Variants in KIRREL3 observed in about 807,000 individuals in gnomAD.
KIRREL3 encodes the protein kirre like nephrin family adhesion molecule 3, also known as kin of IRRE-like protein 3.
In KIRREL3, 36 loss-of-function variants were observed where a neutral mutation model predicts 89.7. The ratio of observed to expected loss-of-function variants is 0.40; its 90% confidence interval spans 0.31 to 0.53. The LOEUF (loss-of-function observed/expected upper bound fraction) is 0.53. KIRREL3 is among the 20% of genes least tolerant of loss of function. The probability of loss-of-function intolerance (pLI) is 0.49; values close to 1 mark genes in which losing one functional copy is unlikely to be tolerated. For synonymous variants in KIRREL3, 445 were observed against 441.4 expected (o/e 1.01, Z -0.10); for missense variants, 864 against 1,056.6 (o/e 0.82, Z 2.53).
chr11:126,854,126 T>TTG (rs375873911), intron 1 of KIRREL3, among the ~76,000 whole-genome samples: 3,254 of 143,958 alleles, frequency 0.023, 82 homozygotes, highest in African/African-American at 0.058. Context: ...AATAAGTTTC[T>TTG]TGTGTGTGTG....
intron 1 of KIRREL3, among the ~76,000 whole-genome samples, chr11:126,804,698 C>T (rs1032794149): frequency 6.1e-4 from 93 of 152,282 alleles, no homozygotes; most frequent in African/African-American, 2.2e-3. Context: ...TTTGTCACTT[C>T]TTTTTGTTTA....
rs1427613341 is a variant in KIRREL3 at position 126,552,560 on chromosome 11, T to A, written c.133+10275A>T. ...AGGGGAGAGAGAAAAGTTTTTTTTT[T>A]TTTTTTTTTTTTTTTTTTTTTGAGA... On this transcript the variant is annotated intron_variant, in intron 2 of 16. Coordinates refer to ENST00000525144, the MANE Select transcript of KIRREL3 (RefSeq NM_032531.4). Among the ~76,000 whole-genome samples, 315 of 78,178 alleles carry A rather than the reference T, an allele frequency of 4.0e-3. 4 individuals carry two copies. The highest frequency in any genetic ancestry group is 0.017 in the African/African-American group (297 of 17,902). 51.3% of individuals were successfully genotyped at this position (78,178 alleles called of 152,430 possible).
intron 1 of KIRREL3, among the ~76,000 whole-genome samples, chr11:126,760,668 G>A (rs564884419): frequency 6.6e-6 from 1 of 152,182 alleles, no homozygotes; most frequent in Non-Finnish European, 1.5e-5. Context: ...GGAGTTGAGA[G>A]GCTGTTGTGA....
intron 12 of KIRREL3, among the ~76,000 whole-genome samples, chr11:126,435,972 C>T (rs180769215): frequency 2.0e-5 from 3 of 152,362 alleles, no homozygotes; most frequent in Non-Finnish European, 4.4e-5. Flanking sequence ...AACTGCCCCT[C>T]TCAGAACCCG....
intron 1 of KIRREL3, among the ~76,000 whole-genome samples, chr11:126,732,789 A>C (rs2134199231): frequency 6.6e-6 from 1 of 152,324 alleles, no homozygotes; most frequent in Middle Eastern, 3.4e-3. Context: ...TTGGGATCTA[A>C]CCCCAGAGCA....
At position 126,628,480 on chromosome 11, in the gene KIRREL3, T is replaced by C. The variant is rs1455304663; in HGVS notation, c.56-65568A>G. Among the ~76,000 whole-genome samples, 1 of 152,340 alleles carries C rather than the reference T, an allele frequency of 6.6e-6. No homozygotes were observed. Among genetic ancestry groups the C allele is most frequent in the African/African-American group, 2.4e-5 (1 of 41,580 alleles). ...GAGCACATAGTAGGTGGTTAATGAA[T>C]GTTTGCTGAGCAGGAAGAACAGTAT... On this transcript the variant is annotated intron_variant, in intron 1 of 16. Coordinates refer to ENST00000525144, the MANE Select transcript of KIRREL3 (RefSeq NM_032531.4). The surrounding 1 kb of genome is among the most constrained non-coding windows in gnomAD (Gnocchi z 5.2).
At chr11:126,887,825 C>T (rs552844105) in intron 1 of KIRREL3, among the ~76,000 whole-genome samples, 13 of 152,162 alleles carry the variant, frequency 8.5e-5, no homozygotes, top group Non-Finnish European at 1.3e-4. Flanking sequence ...TGAAGATAGG[C>T]GTAACCTTCA....
At chr11:126,857,045 C>T (rs535448875) in intron 1 of KIRREL3, among the ~76,000 whole-genome samples, 5 of 152,204 alleles carry the variant, frequency 3.3e-5, no homozygotes, top group East Asian at 1.9e-4. Flanking sequence ...CTCACATTTA[C>T]GTGCACCTAT....
At position 126,424,727 on chromosome 11, in the gene KIRREL3, G is replaced by A. The variant is rs749286321; in HGVS notation, c.2190C>T (p.Ser730=). ...SSFLDTQCDS[S]VSSSGKQDGY... The stretch of plus-strand genomic sequence containing the variant: ...CATCCTGCTTGCCGCTGCTGCTGAC[G>A]CTGCTGTCACACTGCGTGTCCAGGA... The change falls in exon 17 of 17, where the codon AGC becomes AGT. Residue 730 remains serine, a synonymous_variant. Transcript: ENST00000525144. The A allele has an allele frequency of 2.0e-5, 33 of 1,614,036 alleles. No homozygotes were observed. The highest frequency in any genetic ancestry group is 4.5e-5 in the East Asian group (2 of 44,880).
At chr11:126,852,632 A>G (rs1944381237) in intron 1 of KIRREL3, among the ~76,000 whole-genome samples, 1 of 152,196 alleles carries the variant, frequency 6.6e-6, no homozygotes, top group Non-Finnish European at 1.5e-5. Flanking sequence ...TGATGAGGTG[A>G]GCAAAGAAAG....
At chr11:126,827,954 C>G (rs1258865573) in intron 1 of KIRREL3, among the ~76,000 whole-genome samples, 1 of 152,100 alleles carries the variant, frequency 6.6e-6, no homozygotes, top group Non-Finnish European at 1.5e-5. Context: ...GACTTGGATC[C>G]AATCTTAGTG....
At position 126,492,817 on chromosome 11, in the gene KIRREL3, T is replaced by A. The variant is rs1957557733; in HGVS notation, c.434-19351A>T. ...GACCCAGCTCTTTCCTCCTCTTGGATGCTCTGGAGAGGGAGGGGGCAGGAC... is the reference window on the plus strand; with the variant it reads ...GACCCAGCTCTTTCCTCCTCTTGGAAGCTCTGGAGAGGGAGGGGGCAGGAC... On this transcript the variant is annotated intron_variant, in intron 4 of 16. Transcript: ENST00000525144. The surrounding 1 kb of genome is among the most constrained non-coding windows in gnomAD (Gnocchi z 4.8). Among the ~76,000 whole-genome samples the A allele has an allele frequency of 6.6e-6, 1 of 151,996 alleles. No individual in the cohort carries two copies. The highest frequency in any genetic ancestry group is 1.5e-5 in the Non-Finnish European group (1 of 67,996).
chr11:126,426,154 A>T (rs1954935319), intron 15 of KIRREL3, among the ~76,000 whole-genome samples: 1 of 152,238 alleles, frequency 6.6e-6, no homozygotes, highest in Admixed American at 6.5e-5. Context: ...ACTTGTAGAT[A>T]AATAATTTCA....
rs1943572552 is a variant in KIRREL3 at position 126,830,603 on chromosome 11, A to C, written c.55+169852T>G. On this transcript the variant is annotated intron_variant, in intron 1 of 16. Coordinates refer to ENST00000525144, the MANE Select transcript of KIRREL3 (RefSeq NM_032531.4). The surrounding 1 kb of genome is among the most constrained non-coding windows in gnomAD (Gnocchi z 4.9). The stretch of plus-strand genomic sequence containing the variant: ...TCATCTCTTAGTGTTTCGATTTTAG[A>C]GCGGCTGTTAAGAGCCAGCTAAGCA... 6.6e-6 allele frequency among the ~76,000 whole-genome samples: 1 copy of C among 152,130 alleles called. No homozygotes were observed. Among genetic ancestry groups the C allele is most frequent in the Admixed American group, 6.5e-5 (1 of 15,276 alleles).
intron 10 of KIRREL3, 92 bp from the exon 11 acceptor site, chr11:126,440,641 C>T: frequency 8.8e-7 from 1 of 1,132,154 alleles, no homozygotes; most frequent in Non-Finnish European, 1.3e-6. Context: ...TTCATTAATC[C>T]AAGCATTCAG....
At chr11:126,775,071 A>C (rs1338164636) in intron 1 of KIRREL3, among the ~76,000 whole-genome samples, 1 of 152,120 alleles carries the variant, frequency 6.6e-6, no homozygotes, top group Non-Finnish European at 1.5e-5. Context: ...GCTAGGCTTT[A>C]GTTTTCCCGA....
In KIRREL3 at chr11:126,991,794, C is replaced by T. The variant is rs1441644049; in HGVS notation, c.55+8661G>A. 6.6e-6 allele frequency among the ~76,000 whole-genome samples: 1 copy of T among 152,178 alleles called. No homozygotes were observed. Among genetic ancestry groups the T allele is most frequent in the Non-Finnish European group, 1.5e-5 (1 of 68,040 alleles). ...TTGCCACAAATTATAAGACTATGACCTGTCTTATGACACCACAGCTTAGGA... is the reference window on the plus strand; with the variant it reads ...TTGCCACAAATTATAAGACTATGACTTGTCTTATGACACCACAGCTTAGGA... On this transcript the variant is annotated intron_variant, in intron 1 of 16. Coordinates refer to ENST00000525144, the MANE Select transcript of KIRREL3 (RefSeq NM_032531.4). This position sits in a 1 kb window ranked among gnomAD's most constrained non-coding sequence, Gnocchi z 5.8.
chr11:126,831,159 G>T (rs1943593321), intron 1 of KIRREL3, among the ~76,000 whole-genome samples: 1 of 152,094 alleles, frequency 6.6e-6, no homozygotes, highest in Admixed American at 6.6e-5. Flanking sequence ...CAGGATGTTG[G>T]GTAAGTATCA....
In KIRREL3 at chr11:126,797,127, G is replaced by A. The variant is rs1294822178; in HGVS notation, c.55+203328C>T. Among the ~76,000 whole-genome samples the A allele has an allele frequency of 6.6e-6, 1 of 152,206 alleles. No homozygotes were observed. On this transcript the variant is annotated intron_variant, in intron 1 of 16. Transcript: ENST00000525144. The surrounding 1 kb of genome is among the most constrained non-coding windows in gnomAD (Gnocchi z 4.9). Reference sequence around the variant, plus strand: ...GAGCCCACATTCGGGGCCACCTGGAGTTAGCAAATCAGAGGCTTGGGGATG... The same window carrying A: ...GAGCCCACATTCGGGGCCACCTGGAATTAGCAAATCAGAGGCTTGGGGATG...
Sources: gnomAD v4.1 joint callset for allele counts (sites outside exome capture counted in the v4.1 genomes callset) on GRCh38, gnomAD v4.1.1 for gene constraint, Gnocchi (gnomAD v3.1) non-coding constraint, MANE v1.5 for transcripts, NCBI Gene and HGNC (gene_info 2026-07-23, HGNC 2026-07-21) for gene names.